The following VWC2L variants were observed in gnomAD, a reference collection of about 807,000 sequenced individuals.
VWC2L encodes von Willebrand factor C domain-containing protein 2-like.
VWC2L carries 10 observed loss-of-function variants against 21.6 expected under a neutral mutation model. The observed-to-expected ratio is 0.46, with a 90% CI of 0.29 to 0.78. The LOEUF (loss-of-function observed/expected upper bound fraction) is 0.78. VWC2L is among the 30% of genes least tolerant of loss of function. The pLI, the probability that VWC2L is intolerant of heterozygous loss-of-function variation, is 0.10. For missense variants in VWC2L, 209 were observed against 277.1 expected (o/e 0.75, Z 1.74); for synonymous variants, 96 against 94.3 (o/e 1.02, Z -0.10).
intron 3 of VWC2L, among the ~76,000 whole-genome samples, chr2:214,456,059 G>C (rs778186198): frequency 6.6e-6 from 1 of 152,128 alleles, no homozygotes; most frequent in Non-Finnish European, 1.5e-5. Context: ...ATACACAGTA[G>C]TGGAATTGCT....
chr2:214,485,237 C>T (rs1039932275), intron 3 of VWC2L, among the ~76,000 whole-genome samples: 22 of 151,930 alleles, frequency 1.4e-4, no homozygotes, highest in African/African-American at 4.8e-4. Context: ...GAGAATCTCT[C>T]GAACCTAGGA....
chr2:214,444,225 T>C (rs1337511121), intron 3 of VWC2L, among the ~76,000 whole-genome samples: 2 of 152,050 alleles, frequency 1.3e-5, no homozygotes, highest in African/African-American at 2.4e-5. Context: ...GGAAACTGGA[T>C]AGTTATCAGA....
At chr2:214,419,291 G>A (rs1702399463) in intron 2 of VWC2L, among the ~76,000 whole-genome samples, 1 of 152,048 alleles carries the variant, frequency 6.6e-6, no homozygotes, top group Admixed American at 6.5e-5. Context: ...TACTTTTTGA[G>A]AAATAAAGCA....
At chr2:214,495,219 G>T (rs1688795521) in intron 3 of VWC2L, among the ~76,000 whole-genome samples, 1 of 151,944 alleles carries the variant, frequency 6.6e-6, no homozygotes. Context: ...AATTATGAAG[G>T]CTGCTAAGAA....
chr2:214,429,898 A>G (rs988001790), intron 2 of VWC2L, among the ~76,000 whole-genome samples: 1 of 152,128 alleles, frequency 6.6e-6, no homozygotes, highest in Admixed American at 6.5e-5. Context: ...ATCTTGGCTC[A>G]CTGCAACCTC....
chr2:214,419,097 G>A lies in VWC2L; in HGVS notation c.390+4514G>A, dbSNP rs575453660. Among the ~76,000 whole-genome samples, 8 of 152,184 alleles carry A rather than the reference G, an allele frequency of 5.3e-5. No individual in the cohort carries two copies. The South Asian group carries it at 1.7e-3, about 32-fold the overall frequency. ...ACTGATGTCATTTATAAAGGTTGTGGGATTTTTGTGGGGTTTTTATTTCAT... is the reference window on the plus strand; with the variant it reads ...ACTGATGTCATTTATAAAGGTTGTGAGATTTTTGTGGGGTTTTTATTTCAT... On this transcript the variant is annotated intron_variant, in intron 2 of 3. Transcript: ENST00000312504.
chr2:214,490,630 C>G (rs144961261), intron 3 of VWC2L, among the ~76,000 whole-genome samples: 12 of 152,188 alleles, frequency 7.9e-5, no homozygotes, highest in Middle Eastern at 3.4e-3. Context: ...AAAGAGAGTA[C>G]AAAGGGAAAC....
intron 2 of VWC2L, among the ~76,000 whole-genome samples, chr2:214,416,687 G>A (rs143728958): frequency 1.3e-3 from 191 of 152,102 alleles, no homozygotes; most frequent in African/African-American, 4.3e-3. Flanking sequence ...ACTTGGATTC[G>A]AATCCCAAAT....
At chr2:214,477,724 G>C (rs915213707) in intron 3 of VWC2L, among the ~76,000 whole-genome samples, 34 of 152,202 alleles carry the variant, frequency 2.2e-4, no homozygotes, top group African/African-American at 8.0e-4. Context: ...ACCTAGTCAG[G>C]CTCTTAATTC....
At chr2:214,438,287 A>G (rs2126179352) in intron 3 of VWC2L, among the ~76,000 whole-genome samples, 1 of 152,210 alleles carries the variant, frequency 6.6e-6, no homozygotes, top group Non-Finnish European at 1.5e-5. Context: ...AGTAGAAGAG[A>G]AAGTATTATT....
chr2:214,528,909 G>A (rs983150196), intron 3 of VWC2L, among the ~76,000 whole-genome samples: 6 of 152,056 alleles, frequency 3.9e-5, no homozygotes, highest in African/African-American at 1.4e-4. Context: ...AATTTTTAGA[G>A]ACAATAAATC....
At chr2:214,459,262 A>G (rs1703102305) in intron 3 of VWC2L, among the ~76,000 whole-genome samples, 1 of 152,184 alleles carries the variant, frequency 6.6e-6, no homozygotes, top group Non-Finnish European at 1.5e-5. Flanking sequence ...TTTCAGTGGA[A>G]TGACTTCTTC....
chr2:214,414,141 G>T lies in VWC2L; in HGVS notation c.-53G>T. 1 of 1,554,284 alleles carries T rather than the reference G, an allele frequency of 6.4e-7. No homozygotes were observed. The highest frequency in any genetic ancestry group is 1.2e-5 in the South Asian group (1 of 81,622). Reference sequence around the variant, plus strand: ...TACCCCTCTTGTATTCCCATGGAAGGAGCTGAGTATATTTAATATTAGGAG... The same window carrying T: ...TACCCCTCTTGTATTCCCATGGAAGTAGCTGAGTATATTTAATATTAGGAG... On this transcript the variant is annotated 5_prime_UTR_variant, in exon 2 of 4. Transcript: ENST00000312504.
Position 214,576,711 on chromosome 2 carries a change from G to C in VWC2L, c.*891G>C, listed in dbSNP as rs1340953477. The C allele has an allele frequency of 3.3e-5, 5 of 152,138 alleles. No individual in the cohort carries two copies. Among genetic ancestry groups the C allele is most frequent in the Non-Finnish European group, 7.4e-5 (5 of 68,014 alleles). 9.4% of individuals were successfully genotyped at this position (152,138 alleles called of 1,614,324 possible). Reference sequence around the variant, plus strand: ...GCAATATAAATACCAGAACCAGGGTGAGAAAACCCACTGTGAATCCAAATC... The same window carrying C: ...GCAATATAAATACCAGAACCAGGGTCAGAAAACCCACTGTGAATCCAAATC... On this transcript the variant is annotated 3_prime_UTR_variant, in exon 4 of 4. Transcript: ENST00000312504.
chr2:214,454,454 A>T (rs1424938339), intron 3 of VWC2L, among the ~76,000 whole-genome samples: 3 of 149,176 alleles, frequency 2.0e-5, no homozygotes, highest in Admixed American at 6.7e-5. Context: ...TTCTAGTAGT[A>T]CTTTAGTAAG....
In VWC2L at chr2:214,560,731, C is replaced by T. The variant is rs569795701; in HGVS notation, c.521-14941C>T. ...TGGCTTGTTTTTCAGTAAGTGAGGTCATTAAAGCACCCAAAATGGTTCCGA... is the reference window on the plus strand; with the variant it reads ...TGGCTTGTTTTTCAGTAAGTGAGGTTATTAAAGCACCCAAAATGGTTCCGA... On this transcript the variant is annotated intron_variant, in intron 3 of 3. Transcript: ENST00000312504. 7.9e-5 allele frequency among the ~76,000 whole-genome samples: 12 copies of T among 152,236 alleles called. No individual in the cohort carries two copies. The South Asian group carries it at 2.3e-3, about 29-fold the overall frequency.
At chr2:214,478,651 T>G (rs1344106675) in intron 3 of VWC2L, among the ~76,000 whole-genome samples, 1 of 152,112 alleles carries the variant, frequency 6.6e-6, no homozygotes, top group Non-Finnish European at 1.5e-5. Context: ...GTCCTCACCC[T>G]CCAGGTAACA....
At chr2:214,533,969 TTC>T (rs1689483519) in intron 3 of VWC2L, 1 of 152,586 alleles carries the variant, frequency 6.6e-6, no homozygotes, top group Non-Finnish European at 1.5e-5. Context: ...ACGCTTTCAA[TTC>T]TCTCTTTTTC....
intron 2 of VWC2L, among the ~76,000 whole-genome samples, chr2:214,417,027 C>G (rs1702367246): frequency 6.6e-6 from 1 of 152,078 alleles, no homozygotes; most frequent in East Asian, 1.9e-4. Flanking sequence ...TTTTAAAATG[C>G]TCTACTTATC....
Sources: gnomAD v4.1 joint callset for allele counts (sites outside exome capture counted in the v4.1 genomes callset) on GRCh38, gnomAD v4.1.1 for gene constraint, MANE v1.5 for transcripts, NCBI Gene and HGNC (gene_info 2026-07-23, HGNC 2026-07-21) for gene names.